ODAD4: variants seen among roughly 807,000 people sequenced by gnomAD.
The protein encoded by ODAD4 is outer dynein arm docking complex subunit 4.
ODAD4 carries 49 observed loss-of-function variants against 51.8 expected under a neutral mutation model. That is an observed-to-expected ratio of 0.95 (90% CI 0.75 to 1.20). ODAD4 has a LOEUF of 1.20. ODAD4 is among the 50% of genes most tolerant of loss of function. The pLI is 0.00. For synonymous variants in ODAD4, 235 were observed against 221.3 expected, an observed-to-expected ratio of 1.06 and a Z score of -0.55; for missense variants, 590 against 586.5, an observed-to-expected ratio of 1.01 and a Z score of -0.06.
intron 9 of ODAD4, among the ~76,000 whole-genome samples, chr17:41,954,067 C>T (rs1422538464): frequency 6.6e-6 from 1 of 151,906 alleles, no homozygotes; most frequent in Non-Finnish European, 1.5e-5. Flanking sequence ...CTCACTGCAA[C>T]CTCTGCCTCT....
At chr17:41,959,727 A>T (rs1382279753) in intron 10 of ODAD4, among the ~76,000 whole-genome samples, 2 of 152,210 alleles carry the variant, frequency 1.3e-5, no homozygotes, top group Non-Finnish European at 2.9e-5. Flanking sequence ...AGAGCCCCAG[A>T]CAGTCAGCAC....
intron 8 of ODAD4, among the ~76,000 whole-genome samples, chr17:41,948,325 T>TC (rs2050613490): frequency 6.7e-6 from 1 of 150,316 alleles, no homozygotes; most frequent in Non-Finnish European, 1.5e-5. Flanking sequence ...TCTTTCCTTT[T>TC]TTTTTTTTTG....
chr17:41,962,141 T>C (rs534129129), intron 11 of ODAD4, among the ~76,000 whole-genome samples: 5 of 152,122 alleles, frequency 3.3e-5, no homozygotes, highest in Non-Finnish European at 7.4e-5. Flanking sequence ...TCTTGTTGGG[T>C]CTTTACCCCA....
intron 10 of ODAD4, among the ~76,000 whole-genome samples, chr17:41,958,863 A>T (rs1598091432): frequency 6.6e-6 from 1 of 150,496 alleles, no homozygotes; most frequent in East Asian, 2.0e-4. Flanking sequence ...AAATACAAAA[A>T]ATTAGCCAGG....
chr17:41,947,000 G>A lies in ODAD4; in HGVS notation c.1145+1778G>A, dbSNP rs1021109334. Among the ~76,000 whole-genome samples, 19 of 151,832 alleles carry A rather than the reference G, an allele frequency of 1.3e-4. 1 individual carries two copies. In the South Asian group the frequency reaches 2.1e-3, roughly 17 times the overall value. ...TGAGTAGTGGGGACTACAGGCGCCC[G>A]CCACCACGCCTGGCTAATTTTGTAT... On this transcript the variant is annotated intron_variant, in intron 8 of 11. Transcript: ENST00000377540.
intron 5 of ODAD4, chr17:41,937,145 G>A (rs529014540): frequency 3.0e-5 from 16 of 528,828 alleles, no homozygotes; most frequent in African/African-American, 5.7e-5. Flanking sequence ...GCTTATATTC[G>A]AATCCAGGAA....
rs1567930040 is a variant in ODAD4, at chr17:41,938,614, GC to G, written c.684del (p.Ile229SerfsTer26). ...ACTGTGGAGGACCTCATCATGACGG[GC>G]ATCAACTACCTGGATACTCACAGCA... is the stretch of plus-strand genomic sequence containing the variant. ...GLTVEDLIMT[G>X]INYLDTHSNF... On this transcript the variant is annotated frameshift_variant, in exon 6 of 12. Transcript: ENST00000377540. LOFTEE classifies it high-confidence loss of function. 6.2e-7 allele frequency: 1 copy of G among 1,613,930 alleles called. No homozygotes were observed. Among genetic ancestry groups the G allele is most frequent in the Admixed American group, 1.7e-5 (1 of 60,004 alleles).
intron 9 of ODAD4, chr17:41,952,511 G>A (rs2050668399): frequency 3.6e-6 from 1 of 278,330 alleles, no homozygotes; most frequent in Non-Finnish European, 7.1e-6. Flanking sequence ...TCCAGCCTGG[G>A]ATACAGAGCG....
intron 10 of ODAD4, among the ~76,000 whole-genome samples, chr17:41,960,181 G>A (rs1440428542): frequency 6.6e-6 from 1 of 152,100 alleles, no homozygotes; most frequent in Non-Finnish European, 1.5e-5. Flanking sequence ...AGATTACAAC[G>A]AAAGGCCAGA....
At position 41,959,959 on chromosome 17, in the gene ODAD4, G is replaced by A. The variant is rs1322419405; in HGVS notation, c.1444-1423G>A. Among the ~76,000 whole-genome samples the A allele has an allele frequency of 3.9e-5, 6 of 152,290 alleles. No homozygotes were observed. The South Asian group carries it at 1.0e-3, about 26-fold the overall frequency. ...CCAGGCCTAGCATGTTGTCGTCCTCGTCATAAATGCCATGTCCCCAGCTCT... is the reference window on the plus strand; with the variant it reads ...CCAGGCCTAGCATGTTGTCGTCCTCATCATAAATGCCATGTCCCCAGCTCT... On this transcript the variant is annotated intron_variant, in intron 10 of 11. Coordinates refer to ENST00000377540, the MANE Select transcript of ODAD4 (RefSeq NM_031421.5).
At chr17:41,937,187 A>G (rs2050441340) in intron 5 of ODAD4, 3 of 452,550 alleles carry the variant, frequency 6.6e-6, no homozygotes, top group South Asian at 2.5e-5. Flanking sequence ...CCTAAGTGCT[A>G]TGGTACCCTG....
In ODAD4 at chr17:41,939,038, C is replaced by T. The variant is rs1226850812; in HGVS notation, c.924C>T (p.Asn308=). The change falls in exon 7 of 12, where the codon AAC becomes AAT. Residue 308 remains asparagine, a synonymous_variant. Coordinates refer to ENST00000377540, the MANE Select transcript of ODAD4 (RefSeq NM_031421.5). ...EKVLKKVLEW[N]KEEVPNKDEL... is the part of the protein sequence containing the mutation. Reference sequence around the variant, plus strand: ...TGCTGAAGAAGGTACTGGAATGGAACAAGGAAGAGGTACCCAACAAGGATG... The same window carrying T: ...TGCTGAAGAAGGTACTGGAATGGAATAAGGAAGAGGTACCCAACAAGGATG... 3.7e-6 allele frequency: 6 copies of T among 1,613,514 alleles called. No homozygotes were observed. The African/African-American group carries it at 8.0e-5, about 22-fold the overall frequency.
intron 8 of ODAD4, among the ~76,000 whole-genome samples, chr17:41,946,098 C>G (rs548971636): frequency 2.0e-5 from 3 of 152,298 alleles, no homozygotes; most frequent in Non-Finnish European, 4.4e-5. Context: ...GAGGTGAGCA[C>G]GCACAGTGTG....
At chr17:41,945,022 C>A in intron 7 of ODAD4, 114 bp from the exon 8 acceptor site, 1 of 792,566 alleles carries the variant, frequency 1.3e-6, no homozygotes, top group Non-Finnish European at 2.0e-6. Context: ...GTCCCTCCAA[C>A]TGAAACCCTG....
At chr17:41,945,909 A>C (rs201561708) in intron 8 of ODAD4, among the ~76,000 whole-genome samples, 3 of 147,552 alleles carry the variant, frequency 2.0e-5, no homozygotes, top group Admixed American at 6.8e-5. Flanking sequence ...TCAAAAAAAA[A>C]CCTTTAGGGC....
At chr17:41,943,084 T>C (rs762354032) in intron 7 of ODAD4, among the ~76,000 whole-genome samples, 3 of 152,204 alleles carry the variant, frequency 2.0e-5, no homozygotes, top group South Asian at 4.2e-4. Context: ...CAGAACTGCG[T>C]GGTACTGAGA....
At chr17:41,947,318 AG>A (rs2050602484) in intron 8 of ODAD4, among the ~76,000 whole-genome samples, 1 of 149,978 alleles carries the variant, frequency 6.7e-6, no homozygotes, top group African/African-American at 2.4e-5. Context: ...CTAAAAAAAA[AG>A]AAAAAAAATA....
Position 41,936,659 on chromosome 17 carries a change from G to A in ODAD4, c.460-103G>A, listed in dbSNP as rs141649710. On this transcript the variant is annotated intron_variant, in intron 4 of 11. Transcript: ENST00000377540. ...CTCCGTGACTCTTGGCCCACAGAAA[G>A]GTCCTGGAGTTGGAGGAATCTGGGA... is the stretch of plus-strand genomic sequence containing the variant. 259 of 1,540,506 alleles carry A rather than the reference G, an allele frequency of 1.7e-4. No homozygotes were observed. In the African/African-American group the frequency reaches 3.3e-3, roughly 20 times the overall value.
intron 3 of ODAD4, among the ~76,000 whole-genome samples, chr17:41,936,243 TC>T (rs2050424612): frequency 6.6e-6 from 1 of 152,150 alleles, no homozygotes; most frequent in African/African-American, 2.4e-5. Context: ...ATCCTTGGCC[TC>T]CCTTTGTTTG....
Sources: gnomAD v4.1 joint callset for allele counts (sites outside exome capture counted in the v4.1 genomes callset) on GRCh38, gnomAD v4.1.1 for gene constraint, MANE v1.5 for transcripts, NCBI Gene and HGNC (gene_info 2026-07-23, HGNC 2026-07-21) for gene names.